The following INPP4B variants were observed in gnomAD, a reference collection of about 807,000 sequenced individuals.
INPP4B encodes inositol polyphosphate 4-phosphatase type II.
In INPP4B, 55 loss-of-function variants were observed where a neutral mutation model predicts 122.5. The observed-to-expected ratio is 0.45, with a 90% CI of 0.36 to 0.56. The LOEUF is 0.56. Ranked by LOEUF, INPP4B falls within the 20% of genes least tolerant of loss-of-function variation. INPP4B has a pLI of 0.00. For synonymous variants in INPP4B, 403 were observed against 388.7 expected (o/e 1.04, Z -0.43); for missense variants, 1,000 against 1,097.7 (o/e 0.91, Z 1.26).
chr4:142,536,292 T>C (rs191577420), intron 2 of INPP4B, among the ~76,000 whole-genome samples: 131 of 152,336 alleles, frequency 8.6e-4, no homozygotes, highest in African/African-American at 2.7e-3. Context: ...GCTTAATCTC[T>C]CTTTTCTCTG....
Position 142,186,483 on chromosome 4 carries a change from A to G in INPP4B, c.1181+6604T>C, listed in dbSNP as rs1223860611. Among the ~76,000 whole-genome samples the G allele has an allele frequency of 2.0e-5, 3 of 152,356 alleles. No individual in the cohort carries two copies. The East Asian group carries it at 5.8e-4, about 29-fold the overall frequency. On this transcript the variant is annotated intron_variant, in intron 15 of 25. Coordinates refer to ENST00000262992, the MANE Select transcript of INPP4B (RefSeq NM_001101669.3). ...AGAATGGAGGACAGAAAAATTAAACAGAGTTACAGAAAAGTCAAGAACATT... is the reference window on the plus strand; with the variant it reads ...AGAATGGAGGACAGAAAAATTAAACGGAGTTACAGAAAAGTCAAGAACATT...
intron 16 of INPP4B, among the ~76,000 whole-genome samples, chr4:142,172,319 T>G (rs1238601450): frequency 1.3e-5 from 2 of 151,936 alleles, no homozygotes; most frequent in African/African-American, 4.8e-5. Context: ...TTTTTAAAAT[T>G]TCTCTGAGCT....
At chr4:142,150,866 C>T (rs1168780860) in intron 17 of INPP4B, among the ~76,000 whole-genome samples, 1 of 152,160 alleles carries the variant, frequency 6.6e-6, no homozygotes, top group Non-Finnish European at 1.5e-5. Flanking sequence ...AAAATATATT[C>T]CGTAATACTT....
intron 17 of INPP4B, among the ~76,000 whole-genome samples, chr4:142,152,575 T>C (rs1040944626): frequency 6.6e-6 from 1 of 152,126 alleles, no homozygotes; most frequent in African/African-American, 2.4e-5. Context: ...TTTTGGGCGT[T>C]TTTAAATTTC....
intron 2 of INPP4B, among the ~76,000 whole-genome samples, chr4:142,590,817 A>T (rs1411496637): frequency 6.6e-6 from 1 of 150,790 alleles, no homozygotes; most frequent in Non-Finnish European, 1.5e-5. Flanking sequence ...TCTAGTTGCA[A>T]TGACACCTCA....
intron 7 of INPP4B, among the ~76,000 whole-genome samples, chr4:142,330,900 A>T (rs555002687): frequency 1.3e-5 from 2 of 152,244 alleles, no homozygotes; most frequent in Non-Finnish European, 2.9e-5. Flanking sequence ...ATCTAAGTGC[A>T]CTAAGCAATG....
chr4:142,363,271 T>C (rs947921198), intron 7 of INPP4B, among the ~76,000 whole-genome samples: 1 of 151,898 alleles, frequency 6.6e-6, no homozygotes, highest in Non-Finnish European at 1.5e-5. Context: ...AATATCAATT[T>C]TAAAAATTTC....
chr4:142,339,569 T>C (rs1163840631), intron 7 of INPP4B, among the ~76,000 whole-genome samples: 1 of 152,204 alleles, frequency 6.6e-6, no homozygotes, highest in Non-Finnish European at 1.5e-5. Context: ...GTCTGCCAGC[T>C]GAATAGCATT....
chr4:142,418,257 C>T (rs1047425958), intron 5 of INPP4B, among the ~76,000 whole-genome samples: 1 of 151,890 alleles, frequency 6.6e-6, no homozygotes, highest in Admixed American at 6.6e-5. Context: ...TTACTTTTTA[C>T]AAATAATTGT....
chr4:142,027,804 C>A lies in INPP4B; in HGVS notation c.*978G>T, dbSNP rs773667974. 13 of 164,278 alleles carry A rather than the reference C, an allele frequency of 7.9e-5. No individual in the cohort carries two copies. The highest frequency in any genetic ancestry group is 1.7e-4 in the Non-Finnish European group (13 of 75,052). 10.2% of individuals were successfully genotyped at this position (164,278 alleles called of 1,614,324 possible). Reference sequence around the variant, plus strand: ...GCAAGGGCAAGTTTGATATTCAGGGCAACAGAAAATAATTGTTTTACTTTA... The same window carrying A: ...GCAAGGGCAAGTTTGATATTCAGGGAAACAGAAAATAATTGTTTTACTTTA... On this transcript the variant is annotated 3_prime_UTR_variant, in exon 26 of 26. Transcript: ENST00000262992.
chr4:142,790,628 G>A (rs1461583038), intron 1 of INPP4B, among the ~76,000 whole-genome samples: 1 of 151,610 alleles, frequency 6.6e-6, no homozygotes, highest in Admixed American at 6.6e-5. Flanking sequence ...GCCTATATAG[G>A]AGAAAGAAAC....
chr4:142,607,598 T>A (rs1350443451), intron 2 of INPP4B, among the ~76,000 whole-genome samples: 1 of 152,066 alleles, frequency 6.6e-6, no homozygotes, highest in Non-Finnish European at 1.5e-5. Context: ...TATAACACTA[T>A]TTTTTCCAGA....
At chr4:142,121,597 T>C (rs1458632684) in intron 21 of INPP4B, among the ~76,000 whole-genome samples, 1 of 152,146 alleles carries the variant, frequency 6.6e-6, no homozygotes, top group Non-Finnish European at 1.5e-5. Context: ...TTGCCTATCA[T>C]ACACTGACCT....
chr4:142,548,591 C>A (rs1009249920), intron 2 of INPP4B, among the ~76,000 whole-genome samples: 4 of 151,966 alleles, frequency 2.6e-5, no homozygotes, highest in African/African-American at 7.2e-5. Context: ...CTGGTAAACA[C>A]CTCAGTATGA....
intron 14 of INPP4B, among the ~76,000 whole-genome samples, chr4:142,194,738 G>A (rs1837448352): frequency 6.6e-6 from 1 of 152,182 alleles, no homozygotes; most frequent in Non-Finnish European, 1.5e-5. Flanking sequence ...ATGGGAACCT[G>A]AGTCGCTGGC....
chr4:142,405,093 T>C (rs1802927358), intron 6 of INPP4B, 113 bp downstream of exon 6: 2 of 610,998 alleles, frequency 3.3e-6, no homozygotes, highest in South Asian at 3.5e-5. Flanking sequence ...CAGCTGTTCA[T>C]TCAAATCCAG....
intron 17 of INPP4B, among the ~76,000 whole-genome samples, chr4:142,156,667 C>T (rs1465859800): frequency 6.6e-6 from 1 of 152,012 alleles, no homozygotes; most frequent in Non-Finnish European, 1.5e-5. Flanking sequence ...TCAATCTTTA[C>T]CATATTGACT....
intron 1 of INPP4B, among the ~76,000 whole-genome samples, chr4:142,835,469 C>T (rs138538090): frequency 3.7e-4 from 56 of 152,158 alleles, no homozygotes; most frequent in Middle Eastern, 3.4e-3. Context: ...ACAGCTTATA[C>T]GTATGAAAAA....
At chr4:142,680,633 A>G (rs551214624) in intron 2 of INPP4B, among the ~76,000 whole-genome samples, 2 of 152,014 alleles carry the variant, frequency 1.3e-5, no homozygotes, top group African/African-American at 4.8e-5. Context: ...TTAGAAGTGG[A>G]AGTCACTTTT....
Sources: allele counts gnomAD v4.1 joint callset (sites outside exome capture counted in the v4.1 genomes callset), GRCh38; gene constraint gnomAD v4.1.1; transcripts MANE v1.5; gene names NCBI Gene and HGNC (gene_info 2026-07-23, HGNC 2026-07-21).